PPP3R1: variants seen among roughly 807,000 people sequenced by gnomAD.
PPP3R1 encodes the protein calcineurin subunit B type 1.
In PPP3R1, 5 loss-of-function variants were observed where a neutral mutation model predicts 22.6. The observed-to-expected ratio is 0.22, with a 90% confidence interval of 0.12 to 0.46. PPP3R1 has a LOEUF of 0.46. PPP3R1 is among the 20% of genes least tolerant of loss of function. PPP3R1 has a pLI of 0.99. For synonymous variants in PPP3R1, 56 were observed against 65.2 expected (o/e 0.86, Z 0.68); for missense variants, 61 against 203.2 (o/e 0.30, Z 4.25).
At chr2:68,193,432 CT>C (rs1674706508) in intron 2 of PPP3R1, among the ~76,000 whole-genome samples, 1 of 152,086 alleles carries the variant, frequency 6.6e-6, no homozygotes, top group African/African-American at 2.4e-5. Flanking sequence ...GGACTAAATA[CT>C]CAGTATTTAC....
intron 1 of PPP3R1, chr2:68,251,023 C>CA (rs1330629500): frequency 1.3e-5 from 2 of 152,226 alleles, no homozygotes; most frequent in African/African-American, 4.8e-5. Flanking sequence ...GACAACTGTT[C>CA]AAAGACTTTT....
intron 1 of PPP3R1, among the ~76,000 whole-genome samples, chr2:68,222,763 G>A (rs1234247648): frequency 6.6e-6 from 1 of 151,996 alleles, no homozygotes; most frequent in Non-Finnish European, 1.5e-5. Context: ...TCTCTTTCTA[G>A]ACATATGTAT....
At chr2:68,202,788 G>C (rs1271326000) in intron 2 of PPP3R1, among the ~76,000 whole-genome samples, 1 of 130,030 alleles carries the variant, frequency 7.7e-6, no homozygotes, top group East Asian at 2.2e-4. Flanking sequence ...AGAGAGTTCA[G>C]GGAATTTTTT....
chr2:68,213,316 T>G (rs1392386685), intron 2 of PPP3R1, among the ~76,000 whole-genome samples: 1 of 152,242 alleles, frequency 6.6e-6, no homozygotes, highest in Non-Finnish European at 1.5e-5. Flanking sequence ...TAATTCTTTC[T>G]CACTTGAACA....
chr2:68,197,538 T>C (rs1292657491), intron 2 of PPP3R1, among the ~76,000 whole-genome samples: 2 of 152,196 alleles, frequency 1.3e-5, no homozygotes, highest in South Asian at 2.1e-4. Flanking sequence ...TCAGAAACTG[T>C]CAGTTTTCCA....
At chr2:68,187,218 G>C in intron 4 of PPP3R1, 37 bp downstream of exon 4, 1 of 1,476,574 alleles carries the variant, frequency 6.8e-7, no homozygotes, top group Non-Finnish European at 9.4e-7. Context: ...AATGATGGTA[G>C]TATAAGAGAA....
intron 2 of PPP3R1, 52 bp from the exon 3 acceptor site, chr2:68,188,742 C>A: frequency 2.0e-6 from 3 of 1,472,166 alleles, no homozygotes; most frequent in Non-Finnish European, 2.7e-6. Context: ...GTTCCCAAAT[C>A]CTTTCTAATG....
intron 1 of PPP3R1, among the ~76,000 whole-genome samples, chr2:68,237,140 A>T (rs1035705798): frequency 1.3e-5 from 2 of 152,158 alleles, no homozygotes; most frequent in African/African-American, 4.8e-5. Flanking sequence ...ATATCCTGAA[A>T]CATTCTTGAC....
chr2:68,188,411 G>C, intron 3 of PPP3R1, 103 bp downstream of exon 3: 1 of 924,912 alleles, frequency 1.1e-6, no homozygotes, highest in East Asian at 2.7e-5. Flanking sequence ...ATTATTGTAA[G>C]GTCACTAGGA....
intron 1 of PPP3R1, among the ~76,000 whole-genome samples, chr2:68,248,291 G>A (rs1315223453): frequency 6.6e-6 from 1 of 152,104 alleles, no homozygotes; most frequent in African/African-American, 2.4e-5. Context: ...TGTGGATTAA[G>A]CCTCTTCCCT....
intron 1 of PPP3R1, among the ~76,000 whole-genome samples, chr2:68,248,122 TG>T (rs762258825): frequency 2.3e-4 from 35 of 152,188 alleles, no homozygotes; most frequent in Non-Finnish European, 4.3e-4. Context: ...AAACTAACAC[TG>T]TAGTTCTCTG....
At chr2:68,217,017 C>CAT in intron 2 of PPP3R1, 75 bp downstream of exon 2, 2 of 950,506 alleles carry the variant, frequency 2.1e-6, no homozygotes, top group Non-Finnish European at 1.5e-6. Context: ...ATGATACACA[C>CAT]ACACACACAC....
chr2:68,204,890 C>T (rs1475826313), intron 2 of PPP3R1, among the ~76,000 whole-genome samples: 1 of 152,212 alleles, frequency 6.6e-6, no homozygotes, highest in Non-Finnish European at 1.5e-5. Context: ...CATTATGCTT[C>T]CACTGTCAAA....
rs948856474 is a variant in PPP3R1, at chr2:68,191,661, G to C, written c.44-2971C>G. 3.4e-4 allele frequency among the ~76,000 whole-genome samples: 52 copies of C among 152,328 alleles called. 1 individual carries two copies. The highest frequency in any genetic ancestry group is 1.2e-3 in the Admixed American group (18 of 15,304). On this transcript the variant is annotated intron_variant, in intron 2 of 5. Coordinates refer to ENST00000234310, the MANE Select transcript of PPP3R1 (RefSeq NM_000945.4). The stretch of plus-strand genomic sequence containing the variant: ...TCCATTATAATCTTACGGAACCACT[G>C]TGTATATGTGGTCAGCCACTGACCA...
At chr2:68,181,079 T>A in intron 5 of PPP3R1, 69 bp from the exon 6 acceptor site, 2 of 1,461,106 alleles carry the variant, frequency 1.4e-6, no homozygotes, top group Non-Finnish European at 1.9e-6. Context: ...TCTAACTACT[T>A]CATCAAATTT....
intron 1 of PPP3R1, among the ~76,000 whole-genome samples, chr2:68,243,528 C>T (rs1220135408): frequency 6.6e-6 from 1 of 152,164 alleles, no homozygotes; most frequent in East Asian, 1.9e-4. Flanking sequence ...ACTTCAGAAG[C>T]TATTTTCTCT....
At chr2:68,203,199 ACTGT>A (rs778723593) in intron 2 of PPP3R1, among the ~76,000 whole-genome samples, 18 of 152,336 alleles carry the variant, frequency 1.2e-4, no homozygotes, top group Admixed American at 3.9e-4. Flanking sequence ...CAGCTGGTAA[ACTGT>A]CTAAGAAACA....
chr2:68,183,861 G>T (rs1674474292), intron 5 of PPP3R1, among the ~76,000 whole-genome samples: 1 of 152,110 alleles, frequency 6.6e-6, no homozygotes, highest in African/African-American at 2.4e-5. Flanking sequence ...GTGAATGATG[G>T]GGCTGTTAAG....
At chr2:68,190,030 C>CA (rs1674628128) in intron 2 of PPP3R1, among the ~76,000 whole-genome samples, 1 of 151,436 alleles carries the variant, frequency 6.6e-6, no homozygotes, top group East Asian at 1.9e-4. Context: ...ATGGCATCCT[C>CA]ACTGTAAGAA....
Sources: allele counts gnomAD v4.1 joint callset (sites outside exome capture counted in the v4.1 genomes callset), GRCh38; gene constraint gnomAD v4.1.1; transcripts MANE v1.5; gene names NCBI Gene and HGNC (gene_info 2026-07-23, HGNC 2026-07-21).